The following MECOM variants were observed in gnomAD, a reference collection of about 807,000 sequenced individuals.
MECOM encodes the protein histone-lysine N-methyltransferase MECOM.
Under a neutral mutation model 116.3 loss-of-function variants are expected in MECOM, and 13 were observed. That is an observed-to-expected ratio of 0.11 (90% CI 0.07 to 0.18). The LOEUF is 0.18. Ranked by LOEUF, MECOM falls within the 10% of genes least tolerant of loss-of-function variation. The pLI is 1.00. For synonymous variants in MECOM, 528 were observed against 535.2 expected, an observed-to-expected ratio of 0.99 and a Z score of 0.19; for missense variants, 1,299 against 1,509.0, an observed-to-expected ratio of 0.86 and a Z score of 2.31.
chr3:169,420,539 C>A (rs927594697), intron 1 of MECOM, among the ~76,000 whole-genome samples: 15 of 152,062 alleles, frequency 9.9e-5, no homozygotes, highest in Admixed American at 8.5e-4. Flanking sequence ...AGGCAAATAG[C>A]AAACATATTT....
In MECOM at chr3:169,476,090, T is replaced by C. The variant is rs115010123; in HGVS notation, c.38-94566A>G. Among the ~76,000 whole-genome samples, 9 of 152,288 alleles carry C rather than the reference T, an allele frequency of 5.9e-5. No homozygotes were observed. In the South Asian group the frequency reaches 1.5e-3, roughly 25 times the overall value. Reference sequence around the variant, plus strand: ...ATACTTTGATGAAATATCTAGCCAGTTCCATAAGCAGCAGAGGGAGAGGAA... The same window carrying C: ...ATACTTTGATGAAATATCTAGCCAGCTCCATAAGCAGCAGAGGGAGAGGAA... On this transcript the variant is annotated intron_variant, in intron 1 of 16. Transcript: ENST00000651503.
rs751879390 is a variant in MECOM, at chr3:169,115,838, C to A, written c.2034G>T (p.Leu678=). ...IAEKYFGSTG[L]VGLQDKKVGA... ...CAACTTTTTTGTCTTGCAGCCCCAC[C>A]AGTCCTGTTGAACCAAAGTATTTTT... The change falls in exon 8 of 17, where the codon CTG becomes CTT. Residue 678 remains leucine, a synonymous_variant. Coordinates refer to ENST00000651503, the MANE Select transcript of MECOM (RefSeq NM_004991.4). 3.7e-6 allele frequency: 6 copies of A among 1,613,958 alleles called. No individual in the cohort carries two copies. In the Admixed American group the frequency reaches 1.0e-4, roughly 27 times the overall value.
At chr3:169,474,813 T>C (rs1750090649) in intron 1 of MECOM, among the ~76,000 whole-genome samples, 1 of 81,102 alleles carries the variant, frequency 1.2e-5, no homozygotes, top group African/African-American at 6.5e-5. Flanking sequence ...ATATATTAGC[T>C]TAGTGTCTAG....
intron 2 of MECOM, among the ~76,000 whole-genome samples, chr3:169,358,735 A>C (rs1041863279): frequency 6.6e-6 from 1 of 151,714 alleles, no homozygotes; most frequent in African/African-American, 2.4e-5. Flanking sequence ...TGCATGAAAG[A>C]GTAAATATAG....
intron 1 of MECOM, among the ~76,000 whole-genome samples, chr3:169,631,284 C>T (rs554935300): frequency 3.4e-4 from 52 of 152,244 alleles, no homozygotes; most frequent in African/African-American, 1.3e-3. Flanking sequence ...CACTTTTGTC[C>T]CCTAAATTCA....
chr3:169,518,541 C>A (rs1245893674), intron 1 of MECOM, among the ~76,000 whole-genome samples: 1 of 152,138 alleles, frequency 6.6e-6, no homozygotes, highest in Non-Finnish European at 1.5e-5. Context: ...AAATTCAAAG[C>A]TTCATATATA....
At chr3:169,464,606 G>T (rs764692822) in intron 1 of MECOM, among the ~76,000 whole-genome samples, 37 of 152,088 alleles carry the variant, frequency 2.4e-4, no homozygotes, top group Non-Finnish European at 4.6e-4. Flanking sequence ...GAAAAGTGGG[G>T]AAAGTTCTTC....
intron 5 of MECOM, among the ~76,000 whole-genome samples, chr3:169,125,429 T>C (rs1732506393): frequency 6.6e-6 from 1 of 152,102 alleles, no homozygotes; most frequent in South Asian, 2.1e-4. Flanking sequence ...CCCTGAAATC[T>C]AGTGGCAAAA....
At chr3:169,495,640 T>G (rs6797482) in intron 1 of MECOM, among the ~76,000 whole-genome samples, 7,492 of 152,290 alleles carry the variant, frequency 0.049, 280 homozygotes, top group Non-Finnish European at 0.065. Context: ...TACTCATTCT[T>G]TCCATGGCTT....
rs1734256979 is a variant in MECOM at position 169,391,910 on chromosome 3, T to G, written c.38-10386A>C. The stretch of plus-strand genomic sequence containing the variant: ...CACTTGATGGGCACCAGGCACTGCC[T>G]TCTAATGGGAACTGACTTTCAAAAA... On this transcript the variant is annotated intron_variant, in intron 1 of 16. Coordinates refer to ENST00000651503, the MANE Select transcript of MECOM (RefSeq NM_004991.4). Among the ~76,000 whole-genome samples, 3 of 152,192 alleles carry G rather than the reference T, an allele frequency of 2.0e-5. No individual in the cohort carries two copies. In the South Asian group the frequency reaches 6.2e-4, roughly 32 times the overall value.
intron 2 of MECOM, among the ~76,000 whole-genome samples, chr3:169,208,568 T>C (rs1194830457): frequency 1.3e-5 from 2 of 151,868 alleles, no homozygotes; most frequent in South Asian, 2.1e-4. Context: ...TTAGGACATA[T>C]TTAGGCATAT....
chr3:169,454,895 G>A (rs1408932398), intron 1 of MECOM, among the ~76,000 whole-genome samples: 2 of 152,116 alleles, frequency 1.3e-5, no homozygotes, highest in Non-Finnish European at 2.9e-5. Context: ...GACTACCAAA[G>A]ATTGGCTGCT....
In MECOM at chr3:169,453,920, T is replaced by TA. The variant is rs146943907; in HGVS notation, c.38-72397dup. Among the ~76,000 whole-genome samples, 662 of 148,446 alleles carry TA rather than the reference T, an allele frequency of 4.5e-3. 9 individuals carry two copies. In the East Asian group the frequency reaches 0.052, roughly 12 times the overall value. The stretch of plus-strand genomic sequence containing the variant: ...AAATAAGGCTAAAAGCAATGGATAA[T>TA]AAAAAAAAAACTCTGTTATCAGAGT... On this transcript the variant is annotated intron_variant, in intron 1 of 16. Coordinates refer to ENST00000651503, the MANE Select transcript of MECOM (RefSeq NM_004991.4).
intron 2 of MECOM, among the ~76,000 whole-genome samples, chr3:169,263,112 T>C (rs1227417289): frequency 6.9e-5 from 7 of 100,838 alleles, no homozygotes; most frequent in South Asian, 3.2e-4. Flanking sequence ...TATATATATA[T>C]ATATATATAT....
rs960303458 is a variant in MECOM at position 169,090,068 on chromosome 3, T to G, written c.3333A>C (p.Glu1111Asp). The stretch of plus-strand genomic sequence containing the variant: ...CTTCATAGTCATCCTCAGGGTTTCC[T>G]TCATGTAAATTACTTGTCACTGGTT... ...GKEPVTSNLH[E>D]GNPEDDYEET... is the part of the protein sequence containing the mutation. Residue 1111 changes from glutamate to aspartate, a missense_variant, in exon 15 of 17, where the codon GAA becomes GAC. This residue lies in a region of MECOM where 273 missense variants were observed against 289.3 expected (regional missense o/e 0.94). Coordinates refer to ENST00000651503, the MANE Select transcript of MECOM (RefSeq NM_004991.4). The G allele has an allele frequency of 1.2e-6, 2 of 1,613,466 alleles. No homozygotes were observed. Among genetic ancestry groups the G allele is most frequent in the Non-Finnish European group, 1.7e-6 (2 of 1,179,632 alleles).
chr3:169,565,770 G>T (rs1213923849), intron 1 of MECOM, among the ~76,000 whole-genome samples: 4 of 152,132 alleles, frequency 2.6e-5, no homozygotes, highest in African/African-American at 9.7e-5. Context: ...TGCCTAGAGT[G>T]TACACCTCAA....
At chr3:169,167,573 T>C (rs1448407345) in intron 2 of MECOM, among the ~76,000 whole-genome samples, 1 of 152,226 alleles carries the variant, frequency 6.6e-6, no homozygotes, top group African/African-American at 2.4e-5. Context: ...TAGTTTAAAT[T>C]ACTTTTGCAA....
intron 2 of MECOM, among the ~76,000 whole-genome samples, chr3:169,236,762 C>G (rs1754121886): frequency 6.6e-6 from 1 of 152,166 alleles, no homozygotes; most frequent in Non-Finnish European, 1.5e-5. Context: ...TATACAATAA[C>G]AAGTGGCACG....
chr3:169,410,815 G>A (rs1158012847), intron 1 of MECOM, among the ~76,000 whole-genome samples: 2 of 151,820 alleles, frequency 1.3e-5, no homozygotes, highest in East Asian at 1.9e-4. Flanking sequence ...TCAAAGACTA[G>A]TTATTTCAGG....
Sources: gnomAD v4.1 joint callset for allele counts (sites outside exome capture counted in the v4.1 genomes callset) on GRCh38, gnomAD v4.1.1 for gene constraint, gnomAD v4.1.1 regional missense constraint, MANE v1.5 for transcripts, NCBI Gene and HGNC (gene_info 2026-07-23, HGNC 2026-07-21) for gene names.